L3MBTL4: variants seen among roughly 807,000 people sequenced by gnomAD.
L3MBTL4 encodes L3MBTL histone methyl-lysine binding protein 4, also known as lethal(3)malignant brain tumor-like protein 4.
L3MBTL4 carries 70 observed loss-of-function variants against 84.5 expected under a neutral mutation model. That is an observed-to-expected ratio of 0.83 (90% CI 0.68 to 1.01). The LOEUF (loss-of-function observed/expected upper bound fraction) is 1.01. Among genes scored for constraint, L3MBTL4 ranks in the 50% least tolerant of loss-of-function variants. L3MBTL4 has a pLI of 0.00. For synonymous variants in L3MBTL4, 274 were observed against 259.8 expected, an observed-to-expected ratio of 1.05 and a Z score of -0.52; for missense variants, 715 against 754.8, an observed-to-expected ratio of 0.95 and a Z score of 0.62.
chr18:6,002,556 A>G (rs2054258403), intron 16 of L3MBTL4, among the ~76,000 whole-genome samples: 1 of 152,116 alleles, frequency 6.6e-6, no homozygotes, highest in African/African-American at 2.4e-5. Flanking sequence ...AGTAGTGAGA[A>G]TGGAGCTATA....
At chr18:6,270,959 C>A (rs1184832546) in intron 4 of L3MBTL4, among the ~76,000 whole-genome samples, 3 of 152,116 alleles carry the variant, frequency 2.0e-5, no homozygotes, top group Non-Finnish European at 4.4e-5. Context: ...CTGAGAATGG[C>A]AACACAATAG....
In L3MBTL4 at chr18:6,306,594, C is replaced by G. The variant is rs138065556; in HGVS notation, c.73-4637G>C. Among the ~76,000 whole-genome samples the G allele has an allele frequency of 2.6e-3, 395 of 152,222 alleles. 2 individuals carry two copies. The highest frequency in any genetic ancestry group is 2.7e-3 in the Non-Finnish European group (183 of 68,012). ...GGATATTACAGAAAGATTGCATTAC[C>G]CTCTGCAAAAGTTGAGTTCAACCAT... On this transcript the variant is annotated intron_variant, in intron 3 of 18. Coordinates refer to ENST00000317931, the MANE Select transcript of L3MBTL4 (RefSeq NM_001330559.2).
intron 4 of L3MBTL4, among the ~76,000 whole-genome samples, chr18:6,298,705 T>C (rs1053720695): frequency 6.6e-6 from 1 of 152,108 alleles, no homozygotes; most frequent in African/African-American, 2.4e-5. Context: ...AAACCCCATC[T>C]CTACTACAAA....
intron 4 of L3MBTL4, among the ~76,000 whole-genome samples, chr18:6,287,751 C>T (rs1400999609): frequency 6.6e-6 from 1 of 152,208 alleles, no homozygotes; most frequent in East Asian, 1.9e-4. Context: ...AGTTGACTAT[C>T]CTTTTGCCAA....
intron 5 of L3MBTL4, among the ~76,000 whole-genome samples, chr18:6,254,412 CTT>C (rs763440464): frequency 0.048 from 5,406 of 112,570 alleles, 241 homozygotes; most frequent in African/African-American, 0.18. Flanking sequence ...AAAGTGACAC[CTT>C]TTTTTTTTTT....
At chr18:6,035,466 C>T (rs531972967) in intron 16 of L3MBTL4, among the ~76,000 whole-genome samples, 7,196 of 150,390 alleles carry the variant, frequency 0.048, 569 homozygotes, top group African/African-American at 0.17. Flanking sequence ...TGTAGATATG[C>T]GGCGTTATTT....
At chr18:6,077,108 C>T (rs919529359) in intron 16 of L3MBTL4, among the ~76,000 whole-genome samples, 2 of 152,174 alleles carry the variant, frequency 1.3e-5, no homozygotes, top group Non-Finnish European at 2.9e-5. Context: ...GGCCCAGCTC[C>T]GTCCTGGAGA....
intron 16 of L3MBTL4, among the ~76,000 whole-genome samples, chr18:6,010,424 G>A (rs1165136596): frequency 1.3e-5 from 2 of 152,068 alleles, no homozygotes; most frequent in African/African-American, 4.8e-5. Flanking sequence ...AATCAGTGAT[G>A]ACTCAACTTA....
chr18:6,130,883 T>C (rs1405414001), intron 14 of L3MBTL4, among the ~76,000 whole-genome samples: 2 of 152,192 alleles, frequency 1.3e-5, no homozygotes, highest in Non-Finnish European at 2.9e-5. Context: ...TAAGAACTGA[T>C]GCAATTTATT....
intron 16 of L3MBTL4, among the ~76,000 whole-genome samples, chr18:6,063,010 C>T (rs919177927): frequency 2.0e-5 from 3 of 151,746 alleles, no homozygotes; most frequent in Non-Finnish European, 4.4e-5. Context: ...CCTGAGTCCC[C>T]AGAGTCCATT....
At position 6,352,448 on chromosome 18, in the gene L3MBTL4, T is replaced by C. The variant is rs550250711; in HGVS notation, c.-90-40392A>G. ...AGCCTATTATGATAAAAGGAGATGG[T>C]AAATATTCTCATGGTAGCTAAGAAA... On this transcript the variant is annotated intron_variant, in intron 1 of 18. Transcript: ENST00000317931. Among the ~76,000 whole-genome samples the C allele has an allele frequency of 5.3e-5, 8 of 152,322 alleles. No homozygotes were observed. The South Asian group carries it at 1.4e-3, about 28-fold the overall frequency.
At chr18:6,288,707 T>C (rs1034401443) in intron 4 of L3MBTL4, among the ~76,000 whole-genome samples, 1 of 152,024 alleles carries the variant, frequency 6.6e-6, no homozygotes, top group East Asian at 1.9e-4. Flanking sequence ...GGATGTAAAA[T>C]TGGTTAATAA....
chr18:6,127,023 T>A (rs2059717464), intron 14 of L3MBTL4, among the ~76,000 whole-genome samples: 1 of 152,200 alleles, frequency 6.6e-6, no homozygotes, highest in South Asian at 2.1e-4. Flanking sequence ...GATAAAAGTT[T>A]TAACTGAAGG....
At chr18:6,078,189 G>A (rs1449589069) in intron 16 of L3MBTL4, among the ~76,000 whole-genome samples, 3 of 151,276 alleles carry the variant, frequency 2.0e-5, no homozygotes, top group Non-Finnish European at 4.4e-5. Context: ...CACTTTGGGA[G>A]GCTGAGGAGG....
intron 4 of L3MBTL4, among the ~76,000 whole-genome samples, chr18:6,282,719 G>A (rs561721640): frequency 2.0e-4 from 31 of 152,268 alleles, no homozygotes; most frequent in Admixed American, 2.0e-4. Context: ...TCAGGCTCAT[G>A]TACTGAAAAG....
chr18:6,280,267 A>T (rs998329763), intron 4 of L3MBTL4, among the ~76,000 whole-genome samples: 3 of 152,232 alleles, frequency 2.0e-5, no homozygotes, highest in Non-Finnish European at 2.9e-5. Context: ...AGTTTCATAA[A>T]ATGAAATCCC....
chr18:5,972,939 GAATAGAATAGAATAGAA>G (rs1172325448), intron 16 of L3MBTL4, among the ~76,000 whole-genome samples: 22 of 146,350 alleles, frequency 1.5e-4, no homozygotes, highest in African/African-American at 5.6e-4. Flanking sequence ...GAATAGAATA[GAATAGAATAGAATAGAA>G]TAGAATAGAA....
At chr18:5,965,551 C>T (rs547261771) in intron 17 of L3MBTL4, among the ~76,000 whole-genome samples, 2 of 152,304 alleles carry the variant, frequency 1.3e-5, no homozygotes, top group East Asian at 3.9e-4. Flanking sequence ...CTGCCATTCA[C>T]ATCATTGCTG....
intron 14 of L3MBTL4, among the ~76,000 whole-genome samples, chr18:6,111,780 A>G (rs2059203229): frequency 6.6e-6 from 1 of 152,168 alleles, no homozygotes; most frequent in South Asian, 2.1e-4. Context: ...ATATGGATAC[A>G]TTGGAGAATG....
Sources: allele counts gnomAD v4.1 joint callset (sites outside exome capture counted in the v4.1 genomes callset), GRCh38; gene constraint gnomAD v4.1.1; transcripts MANE v1.5; gene names NCBI Gene and HGNC (gene_info 2026-07-23, HGNC 2026-07-21).